Variants in ARID2 observed in about 807,000 individuals in gnomAD.
ARID2 encodes AT-rich interactive domain-containing protein 2.
ARID2 carries 32 observed loss-of-function variants against 184.6 expected under a neutral mutation model. The observed-to-expected ratio is 0.17, with a 90% CI of 0.13 to 0.23. The LOEUF is 0.23. Among genes scored for constraint, ARID2 ranks in the 10% least tolerant of loss-of-function variants. The pLI, the probability that ARID2 is intolerant of heterozygous loss-of-function variation, is 1.00. For synonymous variants in ARID2, 836 were observed against 772.6 expected (o/e 1.08, Z -1.36); for missense variants, 1,696 against 2,197.6 (o/e 0.77, Z 4.56).
intron 16 of ARID2, among the ~76,000 whole-genome samples, chr12:45,862,960 TG>T (rs1943774315): frequency 6.6e-6 from 1 of 152,184 alleles, no homozygotes. Flanking sequence ...TGCAAATATT[TG>T]TTAAGCATCC....
chr12:45,887,542 A>G (rs1433668737), intron 16 of ARID2, among the ~76,000 whole-genome samples: 2 of 152,174 alleles, frequency 1.3e-5, no homozygotes, highest in Non-Finnish European at 2.9e-5. Flanking sequence ...ATGTTGTAGG[A>G]AAAAACCGGG....
rs1944510310 is a variant in ARID2 at position 45,905,338 on chromosome 12, T to C, written c.*260T>C. The C allele has an allele frequency of 6.0e-6, 2 of 335,344 alleles. No homozygotes were observed. Among genetic ancestry groups the C allele is most frequent in the Non-Finnish European group, 5.5e-6 (1 of 183,288 alleles). 20.8% of individuals were successfully genotyped at this position (335,344 alleles called of 1,614,324 possible). Reference sequence around the variant, plus strand: ...TCAACCAGCTTATCTGCAGGATGTTTCAGATCTGATAAATCCTGATGGAAA... The same window carrying C: ...TCAACCAGCTTATCTGCAGGATGTTCCAGATCTGATAAATCCTGATGGAAA... On this transcript the variant is annotated 3_prime_UTR_variant, in exon 21 of 21. Coordinates refer to ENST00000334344, the MANE Select transcript of ARID2 (RefSeq NM_152641.4).
chr12:45,842,483 G>A (rs1317899347), intron 11 of ARID2, among the ~76,000 whole-genome samples: 1 of 151,770 alleles, frequency 6.6e-6, no homozygotes, highest in East Asian at 1.9e-4. Context: ...ACAAGGCCGG[G>A]CACAGTGGCT....
intron 3 of ARID2, among the ~76,000 whole-genome samples, chr12:45,734,687 A>G (rs926449793): frequency 6.6e-6 from 1 of 152,152 alleles, no homozygotes; most frequent in Non-Finnish European, 1.5e-5. Context: ...ATTTATGCCC[A>G]AGTATCTCTT....
intron 3 of ARID2, among the ~76,000 whole-genome samples, chr12:45,799,591 A>G (rs2138065989): frequency 6.6e-6 from 1 of 152,326 alleles, no homozygotes; most frequent in East Asian, 1.9e-4. Context: ...GTAAAGAGGA[A>G]AATACAATAA....
intron 3 of ARID2, among the ~76,000 whole-genome samples, chr12:45,790,102 C>T (rs772401958): frequency 1.1e-4 from 17 of 152,032 alleles, no homozygotes; most frequent in Admixed American, 2.0e-4. Flanking sequence ...CTATAAATAG[C>T]GTATTTTTCC....
chr12:45,851,178 CCAG>C lies in ARID2; in HGVS notation c.3058_3060del (p.Ala1020del). The C allele has an allele frequency of 6.2e-7, 1 of 1,614,110 alleles. No individual in the cohort carries two copies. The highest frequency in any genetic ancestry group is 8.5e-7 in the Non-Finnish European group (1 of 1,179,998). On this transcript the variant is annotated inframe_deletion, in exon 15 of 21. Transcript: ENST00000334344. ...AAGGCAGCAACAGCAGCAACATTCA[CCAG>C]CACCCCCACCACAGCAGGTACAAGT...
chr12:45,873,132 C>T (rs1234247373), intron 16 of ARID2, among the ~76,000 whole-genome samples: 11 of 152,152 alleles, frequency 7.2e-5, no homozygotes, highest in Admixed American at 7.2e-4. Flanking sequence ...TGTAATGCCC[C>T]TCTTGATCCA....
At position 45,852,862 on chromosome 12, in the gene ARID2, A is replaced by T. The variant is rs761215208; in HGVS notation, c.4739A>T (p.His1580Leu). 70 of 1,609,534 alleles carry T rather than the reference A, an allele frequency of 4.3e-5. No homozygotes were observed. Among genetic ancestry groups the T allele is most frequent in the Non-Finnish European group, 5.6e-5 (66 of 1,177,440 alleles). Residue 1580 changes from histidine to leucine, a missense_variant, in exon 15 of 21, where the codon CAT becomes CTT. By Grantham distance (99) the His-to-Leu change is moderately conservative. Coordinates refer to ENST00000334344, the MANE Select transcript of ARID2 (RefSeq NM_152641.4). ...IESAVQQKQQ[H>L]PPTYVQNVVP... ...AGTGCTGTTCAGCAAAAGCAACAGC[A>T]TCCACCAACATATGTACAGAATGTG...
At chr12:45,834,853 CT>C (rs1221162304) in intron 6 of ARID2, among the ~76,000 whole-genome samples, 1 of 152,030 alleles carries the variant, frequency 6.6e-6, no homozygotes, top group African/African-American at 2.4e-5. Context: ...CAGCTTTTTT[CT>C]TTTTTTATCT....
chr12:45,824,864 T>TAC (rs1266089688), intron 6 of ARID2, among the ~76,000 whole-genome samples: 3 of 147,106 alleles, frequency 2.0e-5, no homozygotes, highest in Non-Finnish European at 4.5e-5. Flanking sequence ...GTTATATATA[T>TAC]ACATATATAT....
At chr12:45,861,336 G>A (rs1384561627) in intron 16 of ARID2, among the ~76,000 whole-genome samples, 1 of 151,996 alleles carries the variant, frequency 6.6e-6, no homozygotes, top group African/African-American at 2.4e-5. Flanking sequence ...GTAATAATGT[G>A]CTAGAAAGAG....
intron 3 of ARID2, 47 bp from the exon 4 acceptor site, chr12:45,811,371 A>G (rs1293735472): frequency 1.0e-5 from 16 of 1,561,284 alleles, no homozygotes; most frequent in Non-Finnish European, 1.4e-5. Flanking sequence ...TAAAAATAAG[A>G]TATAAATCTA....
chr12:45,872,970 G>A (rs978208551), intron 16 of ARID2, among the ~76,000 whole-genome samples: 1 of 152,110 alleles, frequency 6.6e-6, no homozygotes, highest in African/African-American at 2.4e-5. Flanking sequence ...GAGGTATGTT[G>A]AAGTCTTCAA....
In ARID2 at chr12:45,852,357, C is replaced by G. The variant is rs1943569071; in HGVS notation, c.4234C>G (p.Leu1412Val). 5.0e-6 allele frequency: 8 copies of G among 1,614,162 alleles called. No homozygotes were observed. In the East Asian group the frequency reaches 1.8e-4, roughly 36 times the overall value. ...TQQDTAKGDQ[L>V]ERISNGPVLT... ...GCAAGATACTGCCAAAGGTGATCAACTAGAAAGAATTTCTAATGGACCTGT... is the reference window on the plus strand; with the variant it reads ...GCAAGATACTGCCAAAGGTGATCAAGTAGAAAGAATTTCTAATGGACCTGT... The change falls in exon 15 of 21, where the codon CTA becomes GTA. Residue 1412 changes from leucine (L) to valine (V), a missense_variant. This residue lies in a region of ARID2 where 428 missense variants were observed against 409.1 expected (regional missense o/e 1.05). Transcript: ENST00000334344.
At chr12:45,747,028 CA>C (rs1416186279) in intron 3 of ARID2, among the ~76,000 whole-genome samples, 1 of 152,222 alleles carries the variant, frequency 6.6e-6, no homozygotes, top group African/African-American at 2.4e-5. Flanking sequence ...CTCAGCCTCC[CA>C]AAGTGTTGGG....
chr12:45,889,038 A>C (rs1205860776), intron 16 of ARID2, among the ~76,000 whole-genome samples: 1 of 152,126 alleles, frequency 6.6e-6, no homozygotes, highest in African/African-American at 2.4e-5. Flanking sequence ...AAAAATACAA[A>C]AATTAGGCAT....
intron 3 of ARID2, among the ~76,000 whole-genome samples, chr12:45,753,301 A>T (rs1383803407): frequency 3.9e-5 from 6 of 152,094 alleles, no homozygotes; most frequent in Non-Finnish European, 8.8e-5. Flanking sequence ...CATCTCAAAA[A>T]AAAAAAAAAG....
intron 16 of ARID2, among the ~76,000 whole-genome samples, chr12:45,888,293 TACAC>T (rs531741720): frequency 8.0e-4 from 121 of 151,998 alleles, no homozygotes; most frequent in African/African-American, 2.7e-3. Context: ...AATTTACAAA[TACAC>T]ACAAGTACAG....
Sources: gnomAD v4.1 joint callset for allele counts (sites outside exome capture counted in the v4.1 genomes callset) on GRCh38, gnomAD v4.1.1 for gene constraint, gnomAD v4.1.1 regional missense constraint, MANE v1.5 for transcripts, NCBI Gene and HGNC (gene_info 2026-07-23, HGNC 2026-07-21) for gene names.